TENM4: variants seen among roughly 807,000 people sequenced by gnomAD.
The protein encoded by TENM4 is teneurin-4.
Under a neutral mutation model 243.3 loss-of-function variants are expected in TENM4, and 82 were observed. The ratio of observed to expected loss-of-function variants is 0.34; its 90% CI spans 0.28 to 0.40. The LOEUF is 0.40. Ranked by LOEUF, TENM4 falls within the 10% of genes least tolerant of loss-of-function variation. The probability of loss-of-function intolerance (pLI) is 1.00; values close to 1 mark genes in which losing one functional copy is unlikely to be tolerated. For missense variants in TENM4, 3,138 were observed against 3,673.3 expected (o/e 0.85, Z 3.77); for synonymous variants, 1,412 against 1,456.3 (o/e 0.97, Z 0.69).
At chr11:79,183,809 A>G (rs185403945) in intron 3 of TENM4, among the ~76,000 whole-genome samples, 1 of 152,332 alleles carries the variant, frequency 6.6e-6, no homozygotes, top group African/African-American at 2.4e-5. Flanking sequence ...GACTCACTCT[A>G]TTCTTCATGT....
chr11:79,079,741 AT>A (rs1254479218), intron 4 of TENM4, among the ~76,000 whole-genome samples: 1 of 149,618 alleles, frequency 6.7e-6, no homozygotes, highest in African/African-American at 2.5e-5. Context: ...AGGCATGAGA[AT>A]TGCTTGAATC....
intron 4 of TENM4, among the ~76,000 whole-genome samples, chr11:79,145,329 G>T (rs555569730): frequency 2.2e-4 from 34 of 152,074 alleles, no homozygotes; most frequent in South Asian, 4.2e-4. Context: ...CATTTAACCT[G>T]CCCTCCTACC....
intron 6 of TENM4, among the ~76,000 whole-genome samples, chr11:78,966,066 G>C (rs1857432057): frequency 6.6e-6 from 1 of 152,014 alleles, no homozygotes; most frequent in Non-Finnish European, 1.5e-5. Flanking sequence ...GGGTCACATT[G>C]AGAGTATGGC....
chr11:79,076,455 G>A (rs1860538092), intron 4 of TENM4: 1 of 153,722 alleles, frequency 6.5e-6, no homozygotes, highest in Non-Finnish European at 1.4e-5. Context: ...ACAGAAGAGA[G>A]AGCTTGTGCA....
At chr11:79,151,831 A>G (rs990916592) in intron 3 of TENM4, among the ~76,000 whole-genome samples, 1 of 152,084 alleles carries the variant, frequency 6.6e-6, no homozygotes. Context: ...GTGCATTTCA[A>G]AAAGCACTTC....
chr11:79,274,563 T>C (rs1402921066), intron 2 of TENM4, among the ~76,000 whole-genome samples: 1 of 152,198 alleles, frequency 6.6e-6, no homozygotes, highest in Non-Finnish European at 1.5e-5. Flanking sequence ...AGACCTAGTA[T>C]GGTGAAGTGG....
chr11:79,118,287 A>G (rs190579410), intron 4 of TENM4, among the ~76,000 whole-genome samples: 18 of 152,024 alleles, frequency 1.2e-4, no homozygotes, highest in Non-Finnish European at 1.8e-4. Flanking sequence ...AGAAAGAAAC[A>G]CTGTCAGGCA....
intron 12 of TENM4, among the ~76,000 whole-genome samples, chr11:78,846,401 G>C (rs1278067436): frequency 1.3e-5 from 2 of 152,194 alleles, no homozygotes; most frequent in East Asian, 3.9e-4. Flanking sequence ...TTACATACCA[G>C]TGACAGTACA....
At chr11:79,092,158 C>T (rs563678488) in intron 4 of TENM4, among the ~76,000 whole-genome samples, 1 of 152,308 alleles carries the variant, frequency 6.6e-6, no homozygotes, top group African/African-American at 2.4e-5. Flanking sequence ...CATTCCAACT[C>T]CATCTCTGCT....
chr11:78,862,949 G>A lies in TENM4; in HGVS notation c.1255+13C>T, dbSNP rs1009520449. Reference sequence around the variant, plus strand: ...ACAGAGGACTCACAACACGGACAACGCAGCAACCCTACCTTCTGTGGTTCC... The same window carrying A: ...ACAGAGGACTCACAACACGGACAACACAGCAACCCTACCTTCTGTGGTTCC... On this transcript the variant is annotated intron_variant, in intron 10 of 33. Transcript: ENST00000278550. 3.2e-5 allele frequency: 46 copies of A among 1,429,458 alleles called. No individual in the cohort carries two copies. The highest frequency in any genetic ancestry group is 1.8e-4 in the Middle Eastern group (1 of 5,466). The allele number at this position is 1,429,458 out of a possible 1,614,324, so 88.5% of individuals were successfully genotyped here.
At chr11:78,786,127 C>A (rs186174388) in intron 16 of TENM4, among the ~76,000 whole-genome samples, 4 of 152,284 alleles carry the variant, frequency 2.6e-5, no homozygotes, top group East Asian at 1.9e-4. Flanking sequence ...AGTTTAAAAT[C>A]AACAAAACCG....
chr11:79,030,794 G>A (rs959773726), intron 6 of TENM4, among the ~76,000 whole-genome samples: 2 of 152,244 alleles, frequency 1.3e-5, no homozygotes, highest in South Asian at 2.1e-4. Context: ...CTCCTACCAG[G>A]AGGAAGCCAG....
chr11:78,733,914 C>T (rs770942670), intron 20 of TENM4, among the ~76,000 whole-genome samples: 2 of 152,180 alleles, frequency 1.3e-5, no homozygotes, highest in Non-Finnish European at 2.9e-5. Context: ...CTAGGCCAGG[C>T]ATGGTGGCTC....
At chr11:78,951,504 C>T (rs1857107718) in intron 6 of TENM4, among the ~76,000 whole-genome samples, 1 of 152,160 alleles carries the variant, frequency 6.6e-6, no homozygotes, top group Non-Finnish European at 1.5e-5. Context: ...TACCAAAATT[C>T]CATAGACTAG....
chr11:78,986,544 G>C (rs894419829), intron 6 of TENM4, among the ~76,000 whole-genome samples: 3 of 152,044 alleles, frequency 2.0e-5, no homozygotes, highest in African/African-American at 7.2e-5. Flanking sequence ...TGGTTCTTTG[G>C]GTGACTGCCA....
chr11:78,767,917 T>C (rs75386479), intron 18 of TENM4, among the ~76,000 whole-genome samples: 2,390 of 152,362 alleles, frequency 0.016, 54 homozygotes, highest in African/African-American at 0.055. Context: ...CACTGGTCTT[T>C]ATGTCTCCTT....
intron 17 of TENM4, 83 bp from the exon 18 acceptor site, chr11:78,771,221 G>C: frequency 6.7e-7 from 1 of 1,503,376 alleles, no homozygotes; most frequent in Non-Finnish European, 9.0e-7. Flanking sequence ...CTGCCAACTT[G>C]CAAAATGCCT....
chr11:78,759,596 A>C (rs1409054700), intron 18 of TENM4, among the ~76,000 whole-genome samples: 1 of 152,228 alleles, frequency 6.6e-6, no homozygotes, highest in African/African-American at 2.4e-5. Context: ...TCCTGTGAGA[A>C]GGGATGTCTG....
intron 33 of TENM4, 146 bp from the exon 34 acceptor site, chr11:78,658,962 C>A (rs944519255): frequency 7.5e-6 from 7 of 928,026 alleles, no homozygotes; most frequent in African/African-American, 1.7e-5. Flanking sequence ...ACCAGAACAT[C>A]CAGGTGGTCG....
Sources: gnomAD v4.1 joint callset for allele counts (sites outside exome capture counted in the v4.1 genomes callset) on GRCh38, gnomAD v4.1.1 for gene constraint, MANE v1.5 for transcripts, NCBI Gene and HGNC (gene_info 2026-07-23, HGNC 2026-07-21) for gene names.